FBXL20: variants seen among roughly 807,000 people sequenced by gnomAD.
FBXL20 encodes the protein F-box and leucine rich repeat protein 20, also known as F-box/LRR-repeat protein 20.
FBXL20 carries 11 observed loss-of-function variants against 64.0 expected under a neutral mutation model. The observed-to-expected ratio is 0.17, with a 90% confidence interval of 0.11 to 0.28. FBXL20 has a LOEUF of 0.28. FBXL20 is among the 10% of genes least tolerant of loss of function. The pLI is 1.00. For missense variants in FBXL20, 303 were observed against 526.2 expected, an observed-to-expected ratio of 0.58 and a Z score of 4.15; for synonymous variants, 184 against 189.0, an observed-to-expected ratio of 0.97 and a Z score of 0.22.
At chr17:39,345,075 A>G (rs1034621753) in intron 1 of FBXL20, among the ~76,000 whole-genome samples, 1 of 152,196 alleles carries the variant, frequency 6.6e-6, no homozygotes, top group Non-Finnish European at 1.5e-5. Context: ...GCACATACAC[A>G]TGTGACCGAA....
chr17:39,399,701 C>T (rs562306978), intron 1 of FBXL20, among the ~76,000 whole-genome samples: 3 of 152,198 alleles, frequency 2.0e-5, no homozygotes, highest in East Asian at 3.9e-4. Flanking sequence ...TAAAAAGAAA[C>T]CTCTTAATAC....
At chr17:39,389,420 G>A (rs2048114544) in intron 1 of FBXL20, among the ~76,000 whole-genome samples, 1 of 152,104 alleles carries the variant, frequency 6.6e-6, no homozygotes, top group Non-Finnish European at 1.5e-5. Flanking sequence ...AGCTGATAAG[G>A]ACGAATGTCG....
At chr17:39,281,151 T>A (rs2046946968) in intron 9 of FBXL20, among the ~76,000 whole-genome samples, 1 of 152,172 alleles carries the variant, frequency 6.6e-6, no homozygotes, top group Admixed American at 6.6e-5. Context: ...GGGGTGGAGC[T>A]ACAGTTAGTT....
chr17:39,362,059 G>A (rs562720910), intron 1 of FBXL20, among the ~76,000 whole-genome samples: 213 of 149,180 alleles, frequency 1.4e-3, no homozygotes, highest in African/African-American at 4.9e-3. Context: ...AGGCCAAGGC[G>A]GGCAGATCAC....
chr17:39,374,266 C>T (rs1348648994), intron 1 of FBXL20, among the ~76,000 whole-genome samples: 3 of 151,714 alleles, frequency 2.0e-5, no homozygotes, highest in African/African-American at 4.8e-5. Context: ...GAATGGCTCA[C>T]GCCTGTAATC....
chr17:39,341,545 A>G (rs2047583229), intron 2 of FBXL20, among the ~76,000 whole-genome samples: 1 of 152,178 alleles, frequency 6.6e-6, no homozygotes, highest in African/African-American at 2.4e-5. Flanking sequence ...AATTAAGGAG[A>G]GAGGGTTCAT....
intron 1 of FBXL20, among the ~76,000 whole-genome samples, chr17:39,372,685 G>A (rs1171191121): frequency 1.1e-4 from 16 of 146,606 alleles, no homozygotes; most frequent in Non-Finnish European, 2.1e-4. Flanking sequence ...GTGCAATCTC[G>A]GCTCACTGCA....
chr17:39,381,874 A>G (rs1248305324), intron 1 of FBXL20, among the ~76,000 whole-genome samples: 1 of 149,870 alleles, frequency 6.7e-6, no homozygotes, highest in Non-Finnish European at 1.5e-5. Context: ...AGGGGGGCGG[A>G]TCACGAGGCC....
At chr17:39,288,595 TATAGGTCATG>T (rs1365588533) in intron 6 of FBXL20, among the ~76,000 whole-genome samples, 1 of 151,944 alleles carries the variant, frequency 6.6e-6, no homozygotes, top group Admixed American at 6.6e-5. Flanking sequence ...AGACTACAGG[TATAGGTCATG>T]GTCCCTGGCC....
intron 9 of FBXL20, among the ~76,000 whole-genome samples, chr17:39,277,116 A>G (rs2046904382): frequency 6.6e-6 from 1 of 152,244 alleles, no homozygotes; most frequent in Non-Finnish European, 1.5e-5. Context: ...ACAACTTTTA[A>G]TATCCACTGC....
Position 39,270,861 on chromosome 17 carries a change from TAAAAAA to T in FBXL20, c.828-11_828-6del. 7.4e-7 allele frequency: 1 copy of T among 1,355,334 alleles called. No individual in the cohort carries two copies. Among genetic ancestry groups the T allele is most frequent in the Non-Finnish European group, 1.0e-6 (1 of 1,004,410 alleles). The allele number at this position is 1,355,334 out of a possible 1,614,324, so 84.0% of individuals were successfully genotyped here. A position where few individuals can be genotyped will look rare whatever the true frequency, so the allele number is the denominator to read the frequency against. On this transcript the variant is annotated splice_polypyrimidine_tract_variant and splice_region_variant and intron_variant, in intron 10 of 14. Transcript: ENST00000264658. ...CATCTTGCCACTTCCAATATTCTGT[TAAAAAA>T]AAAAAAAAAACAGTGAAAGTCAAGC...
At chr17:39,299,125 A>C in intron 4 of FBXL20, 41 bp from the exon 5 acceptor site, 1 of 1,373,506 alleles carries the variant, frequency 7.3e-7, no homozygotes, top group Non-Finnish European at 1.0e-6. Flanking sequence ...AACCCACCTC[A>C]TTACTTTAGA....
chr17:39,275,368 G>A (rs991874394), intron 9 of FBXL20, among the ~76,000 whole-genome samples: 6 of 151,818 alleles, frequency 4.0e-5, no homozygotes, highest in African/African-American at 1.5e-4. Flanking sequence ...GGATCAGTAT[G>A]GGGTACATCA....
At chr17:39,288,550 A>C (rs2047009044) in intron 6 of FBXL20, among the ~76,000 whole-genome samples, 1 of 152,104 alleles carries the variant, frequency 6.6e-6, no homozygotes. Flanking sequence ...TTCTGGGCTT[A>C]AGTGATCCTC....
chr17:39,330,303 T>TA (rs2047448448), intron 2 of FBXL20, among the ~76,000 whole-genome samples: 3 of 145,168 alleles, frequency 2.1e-5, no homozygotes, highest in African/African-American at 8.1e-5. Flanking sequence ...TCTCAAAAAA[T>TA]AAAAAATAAA....
At chr17:39,364,964 AC>A (rs1464455680) in intron 1 of FBXL20, among the ~76,000 whole-genome samples, 1 of 152,198 alleles carries the variant, frequency 6.6e-6, no homozygotes, top group Non-Finnish European at 1.5e-5. Context: ...AGCAAATACT[AC>A]AAAAACAGGT....
chr17:39,341,323 T>A (rs987966639), intron 2 of FBXL20, among the ~76,000 whole-genome samples: 1 of 152,196 alleles, frequency 6.6e-6, no homozygotes, highest in Admixed American at 6.6e-5. Context: ...ATTTAACCTA[T>A]AATGTATATA....
chr17:39,283,070 A>G (rs2046961379), intron 7 of FBXL20, among the ~76,000 whole-genome samples: 2 of 152,208 alleles, frequency 1.3e-5, no homozygotes, highest in South Asian at 4.1e-4. Context: ...CAGCTTAACC[A>G]ACAAACACAA....
At position 39,257,156 on chromosome 17, in the gene FBXL20, G is replaced by C. The variant is rs1200475393; in HGVS notation, c.*4304C>G. 6.6e-6 allele frequency: 1 copy of C among 152,030 alleles called. No homozygotes were observed. The highest frequency in any genetic ancestry group is 2.1e-4 in the South Asian group (1 of 4,820). The allele number at this position is 152,030 out of a possible 1,614,324, so 9.4% of individuals were successfully genotyped here. A position where few individuals can be genotyped will look rare whatever the true frequency, so the allele number is the denominator to read the frequency against. ...CTGCCACCACACCTGGCTAATTTTTGTATTTTCAGTAGAGACAGCATTTCA... is the reference window on the plus strand; with the variant it reads ...CTGCCACCACACCTGGCTAATTTTTCTATTTTCAGTAGAGACAGCATTTCA... On this transcript the variant is annotated 3_prime_UTR_variant, in exon 15 of 15. Transcript: ENST00000264658.
Sources: gnomAD v4.1 joint callset for allele counts (sites outside exome capture counted in the v4.1 genomes callset) on GRCh38, gnomAD v4.1.1 for gene constraint, MANE v1.5 for transcripts, NCBI Gene and HGNC (gene_info 2026-07-23, HGNC 2026-07-21) for gene names.